LAMA1: variants seen among roughly 807,000 people sequenced by gnomAD.
The protein encoded by LAMA1 is laminin subunit alpha-1.
A neutral mutation model predicts 348.7 loss-of-function variants in LAMA1; 219 were observed. That is an observed-to-expected ratio of 0.63 (90% CI 0.56 to 0.70). The LOEUF is 0.70. Among genes scored for constraint, LAMA1 ranks in the 30% least tolerant of loss-of-function variants. LAMA1 has a pLI of 0.00. For synonymous variants in LAMA1, 1,487 were observed against 1,491.0 expected (o/e 1.00, Z 0.06); for missense variants, 3,744 against 3,888.0 (o/e 0.96, Z 0.99).
chr18:7,091,046 C>T (rs1568064090), intron 1 of LAMA1, among the ~76,000 whole-genome samples: 1 of 152,190 alleles, frequency 6.6e-6, no homozygotes, highest in East Asian at 1.9e-4. Flanking sequence ...TATCAGTATC[C>T]ACTTACTCCT....
chr18:7,090,977 G>C (rs1017125977), intron 1 of LAMA1, among the ~76,000 whole-genome samples: 1 of 152,186 alleles, frequency 6.6e-6, no homozygotes, highest in Non-Finnish European at 1.5e-5. Context: ...TTGATTGTAA[G>C]AGAAACACAT....
At chr18:6,946,501 C>T (rs951556785) in intron 61 of LAMA1, among the ~76,000 whole-genome samples, 4 of 152,098 alleles carry the variant, frequency 2.6e-5, no homozygotes, top group Non-Finnish European at 5.9e-5. Flanking sequence ...GGGCGGATCA[C>T]GAGGTCAGGA....
rs183288934 is a variant in LAMA1, at chr18:7,087,460, A to G, written c.62-7003T>C. Among the ~76,000 whole-genome samples, 45 of 152,318 alleles carry G rather than the reference A, an allele frequency of 3.0e-4. No homozygotes were observed. In the East Asian group the frequency reaches 8.1e-3, roughly 27 times the overall value. On this transcript the variant is annotated intron_variant, in intron 1 of 62. Transcript: ENST00000389658. ...GATCCTGGAGGATGGCTTTGCTTCC[A>G]GCCGATGCCCATGGCAACCAGCTCT...
rs1310939633 is a variant in LAMA1 at position 6,986,142 on chromosome 18, A to C, written c.5374T>G (p.Phe1792Val). The change falls in exon 37 of 63, where the codon TTC becomes GTC. Residue 1792 changes from phenylalanine to valine, a missense_variant. Coordinates refer to ENST00000389658, the MANE Select transcript of LAMA1 (RefSeq NM_005559.4). ...AGAGAGCAAGTGAGACTCACACTGAATTCTCTCAGATTAGCATTGACCATG... is the reference window on the plus strand; with the variant it reads ...AGAGAGCAAGTGAGACTCACACTGACTTCTCTCAGATTAGCATTGACCATG... ...LLMVNANLRE[F>V]SDKKLHVQEE... The C allele has an allele frequency of 6.2e-7, 1 of 1,614,150 alleles. No homozygotes were observed. Among genetic ancestry groups the C allele is most frequent in the South Asian group, 1.1e-5 (1 of 91,080 alleles).
In LAMA1 at chr18:6,976,031, G is replaced by C; in HGVS notation, c.6395C>G (p.Pro2132Arg). 2 of 1,614,170 alleles carry C rather than the reference G, an allele frequency of 1.2e-6. No individual in the cohort carries two copies. Among genetic ancestry groups the C allele is most frequent in the Non-Finnish European group, 1.7e-6 (2 of 1,180,030 alleles). Reference sequence around the variant, plus strand: ...ATTGTAGTTGGTAGAGGAAATCTGAGGCTGGTAGGCCCGGATGCAATCTCT... The same window carrying C: ...ATTGTAGTTGGTAGAGGAAATCTGACGCTGGTAGGCCCGGATGCAATCTCT... ...ADRDCIRAYQ[P>R]QISSTNYNTL... Residue 2132 changes from proline to arginine, a missense_variant, in exon 45 of 63, where the codon CCT becomes CGT. Coordinates refer to ENST00000389658, the MANE Select transcript of LAMA1 (RefSeq NM_005559.4).
At chr18:7,099,229 C>T (rs369158595) in intron 1 of LAMA1, among the ~76,000 whole-genome samples, 20 of 150,600 alleles carry the variant, frequency 1.3e-4, no homozygotes, top group South Asian at 6.4e-4. Flanking sequence ...GGATTAAGGG[C>T]GGTGCAAGAT....
At position 7,023,368 on chromosome 18, in the gene LAMA1, C is replaced by T; in HGVS notation, c.2497G>A (p.Asp833Asn). 1 of 1,614,028 alleles carries T rather than the reference C, an allele frequency of 6.2e-7. No homozygotes were observed. Among genetic ancestry groups the T allele is most frequent in the East Asian group, 2.2e-5 (1 of 44,876 alleles). Residue 833 changes from aspartate (D) to asparagine (N), a missense_variant, in exon 19 of 63, where the codon GAT becomes AAT. Around this residue, in one of 3 missense-constraint regions of LAMA1, gnomAD observed 1,529 missense variants for 1,689.4 expected, o/e 0.91. Transcript: ENST00000389658. ...YSGAWCERCA[D>N]GYYGNPTVPG... is the part of the protein sequence containing the mutation. ...ACTGTTGGGTTTCCATAGTAACCAT[C>T]TGCACATCTGTATCAAAGATTGAAA...
At chr18:7,059,792 T>A (rs1021740870) in intron 3 of LAMA1, among the ~76,000 whole-genome samples, 1 of 152,192 alleles carries the variant, frequency 6.6e-6, no homozygotes, top group Non-Finnish European at 1.5e-5. Flanking sequence ...TGAAGGCATG[T>A]TTTCTCTCTT....
chr18:7,038,802 C>T lies in LAMA1; in HGVS notation c.1563+8G>A, dbSNP rs755828883. On this transcript the variant is annotated splice_region_variant and intron_variant, in intron 11 of 62. Coordinates refer to ENST00000389658, the MANE Select transcript of LAMA1 (RefSeq NM_005559.4). ...ATTAAATCCCGCCGCGCAGATGGCG[C>T]CTCCCACCTGACCAACAGGCCAAGA... 1.9e-6 allele frequency: 3 copies of T among 1,613,946 alleles called. No homozygotes were observed. The African/African-American group carries it at 4.0e-5, about 22-fold the overall frequency.
rs764516898 is a variant in LAMA1, at chr18:7,034,579, T to TGTGAAAATCTTGGAA, written c.1950_1951insTTCCAAGATTTTCAC (p.Ser650_Lys651insPheGlnAspPheHis). On this transcript the variant is annotated inframe_insertion, in exon 14 of 63. Coordinates refer to ENST00000389658, the MANE Select transcript of LAMA1 (RefSeq NM_005559.4). Reference sequence around the variant, plus strand: ...AGCTGGTCACGATCAATCTGCCTTTTGCTGTGAAAATCTTGGAAGTTTTCA... The same window carrying TGTGAAAATCTTGGAA: ...AGCTGGTCACGATCAATCTGCCTTTTGTGAAAATCTTGGAAGCTGTGAAAATCTTGGAAGTTTTCA... 1.9e-6 allele frequency: 3 copies of TGTGAAAATCTTGGAA among 1,614,208 alleles called. No homozygotes were observed. Among genetic ancestry groups the TGTGAAAATCTTGGAA allele is most frequent in the Non-Finnish European group, 2.5e-6 (3 of 1,180,032 alleles).
intron 3 of LAMA1, among the ~76,000 whole-genome samples, chr18:7,067,327 A>G (rs2058126496): frequency 6.6e-6 from 1 of 152,200 alleles, no homozygotes; most frequent in South Asian, 2.1e-4. Flanking sequence ...CTACACAGAA[A>G]TGAATGGAAC....
At position 7,063,282 on chromosome 18, in the gene LAMA1, CTGAG is replaced by C. The variant is rs1349038410; in HGVS notation, c.346-12350_346-12347del. ...TTTTCTTTAGACACATCTAACTTCA[CTGAG>C]TATCTAACTGACAAATCATAATATT... On this transcript the variant is annotated intron_variant, in intron 3 of 62. Transcript: ENST00000389658. 2.6e-5 allele frequency among the ~76,000 whole-genome samples: 4 copies of C among 152,096 alleles called. No homozygotes were observed. In the South Asian group the frequency reaches 8.3e-4, roughly 32 times the overall value.
intron 48 of LAMA1, among the ~76,000 whole-genome samples, chr18:6,967,178 T>C (rs1035604541): frequency 1.4e-4 from 21 of 152,088 alleles, no homozygotes; most frequent in Non-Finnish European, 2.9e-5. Context: ...AAACAAAAAA[T>C]AGTGCTTTGT....
At position 6,943,263 on chromosome 18, in the gene LAMA1, C is replaced by T; in HGVS notation, c.8984G>A (p.Gly2995Glu). The T allele has an allele frequency of 6.2e-7, 1 of 1,614,154 alleles. No homozygotes were observed. Among genetic ancestry groups the T allele is most frequent in the Non-Finnish European group, 8.5e-7 (1 of 1,180,038 alleles). Reference protein sequence around the residue: ...SKHRITLIVDGNAVGAESPHT... With the variant: ...SKHRITLIVDENAVGAESPHT... ...TGGACTTTCAGCGCCAACTGCGTTCCCGTCAACAATCAGAGTGATACGGTG... is the reference window on the plus strand; with the variant it reads ...TGGACTTTCAGCGCCAACTGCGTTCTCGTCAACAATCAGAGTGATACGGTG... The change falls in exon 62 of 63, where the codon GGG (glycine) becomes GAG (glutamate). Residue 2995 changes from glycine (G) to glutamate (E), a missense_variant. By Grantham distance (98) the Gly-to-Glu change is moderately conservative. Transcript: ENST00000389658.
rs368032799 is a variant in LAMA1, at chr18:7,023,151, C to T, written c.2701+13G>A. The T allele has an allele frequency of 1.2e-4, 188 of 1,609,902 alleles. No homozygotes were observed. Among genetic ancestry groups the T allele is most frequent in the Non-Finnish European group, 1.5e-4 (180 of 1,178,812 alleles). ...AATAAACAGCTGACCTGACTTCACG[C>T]TCACGCACTCACCGCGGCAGTTCTT... On this transcript the variant is annotated intron_variant, in intron 19 of 62. Coordinates refer to ENST00000389658, the MANE Select transcript of LAMA1 (RefSeq NM_005559.4).
chr18:7,009,038 C>T lies in LAMA1; in HGVS notation c.4001+201G>A, dbSNP rs552908059. ...AACATTATGTCCTTATATTTTATAT[C>T]GACATTAGCATGCTAGGTGGATACT... On this transcript the variant is annotated intron_variant, in intron 27 of 62. Transcript: ENST00000389658. 5.1e-4 allele frequency among the ~76,000 whole-genome samples: 77 copies of T among 152,144 alleles called. 1 individual carries two copies. The highest frequency in any genetic ancestry group is 6.8e-3 in the Middle Eastern group (2 of 294).
At chr18:7,009,036 A>G (rs573969044) in intron 27 of LAMA1, among the ~76,000 whole-genome samples, 3 of 152,304 alleles carry the variant, frequency 2.0e-5, no homozygotes, top group African/African-American at 7.2e-5. Flanking sequence ...TATATTTTAT[A>G]TCGACATTAG....
intron 1 of LAMA1, among the ~76,000 whole-genome samples, chr18:7,082,771 C>A (rs1407216192): frequency 6.6e-6 from 1 of 152,170 alleles, no homozygotes; most frequent in East Asian, 1.9e-4. Context: ...CAACTCTATC[C>A]ATTCCCTTCA....
In LAMA1 at chr18:7,050,844, G is replaced by A. The variant is rs1172056760; in HGVS notation, c.438C>T (p.Phe146=). 1 of 1,614,190 alleles carries A rather than the reference G, an allele frequency of 6.2e-7. No individual in the cohort carries two copies. Among genetic ancestry groups the A allele is most frequent in the Admixed American group, 1.7e-5 (1 of 60,020 alleles). ...ILERSLDGTT[F]SPWQYYAVSD... is the part of the protein sequence containing the mutation. ...TGACTGCATAATACTGCCAGGGGCT[G>A]AACGTGGTGCCATCCAGAGAACGCT... is the stretch of plus-strand genomic sequence containing the variant. The change falls in exon 4 of 63, where the codon TTC becomes TTT. Residue 146 remains phenylalanine (F), a synonymous_variant. Coordinates refer to ENST00000389658, the MANE Select transcript of LAMA1 (RefSeq NM_005559.4).
Sources: gnomAD v4.1 joint callset for allele counts (sites outside exome capture counted in the v4.1 genomes callset) on GRCh38, gnomAD v4.1.1 for gene constraint, gnomAD v4.1.1 regional missense constraint, MANE v1.5 for transcripts, NCBI Gene and HGNC (gene_info 2026-07-23, HGNC 2026-07-21) for gene names.